ARMC3: variants seen among roughly 807,000 people sequenced by gnomAD.
The protein encoded by ARMC3 is armadillo repeat-containing protein 3.
A neutral mutation model predicts 90.3 loss-of-function variants in ARMC3; 74 were observed. The ratio of observed to expected loss-of-function variants is 0.82; its 90% CI spans 0.68 to 0.99. The LOEUF (loss-of-function observed/expected upper bound fraction) is 0.99. Among genes scored for constraint, ARMC3 ranks in the 50% least tolerant of loss-of-function variants. The probability of loss-of-function intolerance (pLI) is 0.00; values close to 1 mark genes in which losing one functional copy is unlikely to be tolerated. For missense variants in ARMC3, 958 were observed against 1,042.8 expected (o/e 0.92, Z 1.12); for synonymous variants, 334 against 361.8 (o/e 0.92, Z 0.87).
At chr10:23,008,650 A>G (rs1019693003) in intron 15 of ARMC3, among the ~76,000 whole-genome samples, 165 bp from the exon 16 acceptor site, 2 of 152,334 alleles carry the variant, frequency 1.3e-5, no homozygotes, top group South Asian at 4.1e-4. Context: ...TGGACGAAAT[A>G]ACACCGGGTC....
chr10:22,967,591 C>T (rs1835496011), intron 7 of ARMC3, among the ~76,000 whole-genome samples: 1 of 152,180 alleles, frequency 6.6e-6, no homozygotes. Flanking sequence ...ATACAGCATT[C>T]TGGACAACCT....
At chr10:23,007,031 G>GTTGTTGTT in intron 14 of ARMC3, 50 bp downstream of exon 14, 1 of 1,433,248 alleles carries the variant, frequency 7.0e-7, no homozygotes, top group Non-Finnish European at 9.5e-7. Flanking sequence ...ACTGCTTGTT[G>GTTGTTGTT]TTGTTGTTTC....
Position 22,955,923 on chromosome 10 carries a change from G to C in ARMC3, c.283G>C (p.Ala95Pro). 6.2e-7 allele frequency: 1 copy of C among 1,601,088 alleles called. No individual in the cohort carries two copies. Among genetic ancestry groups the C allele is most frequent in the Non-Finnish European group, 8.6e-7 (1 of 1,169,080 alleles). The change falls in exon 4 of 19, where the codon GCT becomes CCT. Residue 95 changes from alanine (A) to proline (P), a missense_variant. Ala to Pro is a conservative substitution (Grantham distance 27). Coordinates refer to ENST00000298032, the MANE Select transcript of ARMC3 (RefSeq NM_173081.5). The part of the protein sequence containing the change: ...RNATMIFGIL[A>P]SNNDVKKLLR... ...TGCTACTATGATATTTGGAATCCTG[G>C]CTTCTAATAGTAAGTATCAACTTTT...
chr10:22,995,274 T>C (rs1047070343), intron 10 of ARMC3, among the ~76,000 whole-genome samples: 8 of 152,242 alleles, frequency 5.3e-5, no homozygotes, highest in Non-Finnish European at 1.0e-4. Flanking sequence ...CAATTCTTTT[T>C]TGTTTTTTAA....
chr10:22,934,046 G>A (rs1343721939), intron 2 of ARMC3, among the ~76,000 whole-genome samples: 2 of 152,132 alleles, frequency 1.3e-5, no homozygotes, highest in East Asian at 3.8e-4. Context: ...TACCTCTAAA[G>A]TCAATAAAGG....
chr10:23,000,296 T>C (rs773068296), intron 11 of ARMC3, among the ~76,000 whole-genome samples: 11 of 151,998 alleles, frequency 7.2e-5, no homozygotes, highest in Non-Finnish European at 1.6e-4. Context: ...GCTTTCTCCC[T>C]TTTCCCCCAC....
chr10:22,963,135 A>C (rs1172893742), intron 7 of ARMC3, among the ~76,000 whole-genome samples: 3 of 152,174 alleles, frequency 2.0e-5, no homozygotes, highest in Non-Finnish European at 4.4e-5. Context: ...TCTTTTAATT[A>C]GGAAAGGGGA....
In ARMC3 at chr10:22,968,433, C is replaced by T; in HGVS notation, c.860C>T (p.Thr287Ile). The change falls in exon 8 of 19, where the codon ACA becomes ATA. Residue 287 changes from threonine (T) to isoleucine (I), a missense_variant. Physicochemically the swap from Thr to Ile is moderately conservative, Grantham distance 89. Coordinates refer to ENST00000298032, the MANE Select transcript of ARMC3 (RefSeq NM_173081.5). ...CTCCTGTCATTTGCAGAAAACTCTA[C>T]AATTCCTGATATTCAGAAGAATGCA... is the stretch of plus-strand genomic sequence containing the variant. ...KKLLSFAENS[T>I]IPDIQKNAAK... The T allele has an allele frequency of 6.2e-7, 1 of 1,611,712 alleles. No individual in the cohort carries two copies. The highest frequency in any genetic ancestry group is 8.5e-7 in the Non-Finnish European group (1 of 1,179,374).
intron 16 of ARMC3, chr10:23,014,244 C>G: frequency 6.6e-7 from 1 of 1,510,708 alleles, no homozygotes; most frequent in South Asian, 1.2e-5. Flanking sequence ...ATCCCTGCCT[C>G]AAAGAGCTGC....
intron 16 of ARMC3, among the ~76,000 whole-genome samples, chr10:23,028,091 A>T (rs908673167): frequency 6.6e-6 from 1 of 152,178 alleles, no homozygotes; most frequent in Non-Finnish European, 1.5e-5. Context: ...TACAGTGAGA[A>T]GTGGTGGCAG....
chr10:23,025,100 C>CA (rs747581197), intron 16 of ARMC3, among the ~76,000 whole-genome samples: 226 of 151,432 alleles, frequency 1.5e-3, no homozygotes, highest in Admixed American at 4.5e-3. Context: ...ATAAATGAAG[C>CA]AAAAAAAACC....
At position 23,037,762 on chromosome 10, in the gene ARMC3, G is replaced by A; in HGVS notation, c.*283G>A. Reference sequence around the variant, plus strand: ...CATCCAGCCCACTGTGTCCTGAGGAGCGTCTCTGTCATTTAGGAATCACAT... The same window carrying A: ...CATCCAGCCCACTGTGTCCTGAGGAACGTCTCTGTCATTTAGGAATCACAT... On this transcript the variant is annotated 3_prime_UTR_variant, in exon 19 of 19. Coordinates refer to ENST00000298032, the MANE Select transcript of ARMC3 (RefSeq NM_173081.5). 1 of 283,880 alleles carries A rather than the reference G, an allele frequency of 3.5e-6. No individual in the cohort carries two copies. Among genetic ancestry groups the A allele is most frequent in the Non-Finnish European group, 6.6e-6 (1 of 151,086 alleles). 17.6% of individuals were successfully genotyped at this position (283,880 alleles called of 1,614,324 possible).
intron 17 of ARMC3, among the ~76,000 whole-genome samples, chr10:23,031,650 C>A (rs147290576): frequency 6.6e-6 from 1 of 152,148 alleles, no homozygotes; most frequent in Non-Finnish European, 1.5e-5. Flanking sequence ...ATGGCTCAAG[C>A]GGAACTCTGT....
At chr10:22,984,873 A>C (rs992156493) in intron 10 of ARMC3, among the ~76,000 whole-genome samples, 2 of 150,650 alleles carry the variant, frequency 1.3e-5, no homozygotes, top group African/African-American at 4.9e-5. Context: ...TTTCCTTCTC[A>C]ACCTTCTGTT....
Position 23,006,943 on chromosome 10 carries a change from C to T in ARMC3, c.1791C>T (p.Asp597=), listed in dbSNP as rs759192302. The part of the protein sequence containing the change: ...LKELCLQEPS[D]LRAVLLINSK... ...AGCTCTGCTTACAAGAACCAAGTGA[C>T]CTACGGGCTGTACTCTTAATCAACA... The change falls in exon 14 of 19, where the codon GAC becomes GAT. Residue 597 remains aspartate (D), a synonymous_variant. Coordinates refer to ENST00000298032, the MANE Select transcript of ARMC3 (RefSeq NM_173081.5). 17 of 1,613,558 alleles carry T rather than the reference C, an allele frequency of 1.1e-5. No homozygotes were observed. Among genetic ancestry groups the T allele is most frequent in the Non-Finnish European group, 1.3e-5 (15 of 1,179,852 alleles).
intron 6 of ARMC3, chr10:22,959,870 T>G (rs1159026552): frequency 2.0e-6 from 1 of 490,566 alleles, no homozygotes; most frequent in Non-Finnish European, 4.0e-6. Context: ...GGAAATCTAA[T>G]ATGTGGAAAC....
rs765183992 is a variant in ARMC3, at chr10:22,955,899, G to C, written c.259G>C (p.Ala87Pro). The C allele has an allele frequency of 6.2e-7, 1 of 1,609,924 alleles. No individual in the cohort carries two copies. Among genetic ancestry groups the C allele is most frequent in the Admixed American group, 1.7e-5 (1 of 59,996 alleles). ...THEDKIVRRN[A>P]TMIFGILASN... ...TGAAGACAAAATTGTAAGAAGAAAT[G>C]CTACTATGATATTTGGAATCCTGGC... Residue 87 changes from alanine (A) to proline (P), a missense_variant, in exon 4 of 19, where the codon GCT becomes CCT. Transcript: ENST00000298032.
chr10:22,981,546 T>C, intron 9 of ARMC3, 49 bp from the exon 10 acceptor site: 3 of 1,613,322 alleles, frequency 1.9e-6, no homozygotes, highest in African/African-American at 1.3e-5. Flanking sequence ...CGTATTTTAG[T>C]GCACATGGGC....
chr10:22,981,222 T>C, intron 8 of ARMC3, 118 bp from the exon 9 acceptor site: 1 of 901,594 alleles, frequency 1.1e-6, no homozygotes, highest in Non-Finnish European at 1.7e-6. Flanking sequence ...TAGTTTAGAC[T>C]CTGGTACTAA....
Sources: allele counts gnomAD v4.1 joint callset (sites outside exome capture counted in the v4.1 genomes callset), GRCh38; gene constraint gnomAD v4.1.1; transcripts MANE v1.5; gene names NCBI Gene and HGNC (gene_info 2026-07-23, HGNC 2026-07-21).